SMAD3: variants seen among roughly 807,000 people sequenced by gnomAD.
The protein encoded by SMAD3 is SMAD family member 3.
SMAD3 carries 12 observed loss-of-function variants against 51.8 expected under a neutral mutation model. The ratio of observed to expected loss-of-function variants is 0.23; its 90% CI spans 0.15 to 0.38. The LOEUF (loss-of-function observed/expected upper bound fraction) is 0.38. Ranked by LOEUF, SMAD3 falls within the 10% of genes least tolerant of loss-of-function variation. The pLI, the probability that SMAD3 is intolerant of heterozygous loss-of-function variation, is 1.00. For missense variants in SMAD3, 294 were observed against 565.6 expected (o/e 0.52, Z 4.87); for synonymous variants, 238 against 227.7 (o/e 1.05, Z -0.41).
chr15:67,076,309 A>G (rs1960168260), intron 1 of SMAD3, among the ~76,000 whole-genome samples: 1 of 152,216 alleles, frequency 6.6e-6, no homozygotes, highest in Non-Finnish European at 1.5e-5. Context: ...TAATAGTACT[A>G]AAAACAAACT....
chr15:67,147,154 A>G (rs2140272486), intron 1 of SMAD3, among the ~76,000 whole-genome samples: 1 of 152,234 alleles, frequency 6.6e-6, no homozygotes, highest in Non-Finnish European at 1.5e-5. Context: ...TTCTGAGAGT[A>G]GAGGAGGGAA....
chr15:67,162,946 G>GTGGTGA (rs1378886371), intron 1 of SMAD3, among the ~76,000 whole-genome samples: 10 of 145,348 alleles, frequency 6.9e-5, no homozygotes, highest in African/African-American at 2.1e-4. Context: ...GTAGGTTTCT[G>GTGGTGA]TGATGATGAT....
chr15:67,181,739 C>T (rs1040725856), intron 6 of SMAD3, among the ~76,000 whole-genome samples: 3 of 151,776 alleles, frequency 2.0e-5, no homozygotes, highest in African/African-American at 4.8e-5. Flanking sequence ...AATAGTTCAT[C>T]TAAGGGATCA....
At chr15:67,182,230 A>G (rs1230353191) in intron 6 of SMAD3, among the ~76,000 whole-genome samples, 1 of 152,370 alleles carries the variant, frequency 6.6e-6, no homozygotes, top group Non-Finnish European at 1.5e-5. Flanking sequence ...ATTGTCCACT[A>G]TCCAAACACC....
chr15:67,170,000 G>A (rs757670871), intron 4 of SMAD3, among the ~76,000 whole-genome samples: 11 of 152,172 alleles, frequency 7.2e-5, no homozygotes, highest in Non-Finnish European at 1.3e-4. Flanking sequence ...GGTTTCTGAG[G>A]CAGGTTTGTG....
At chr15:67,189,552 C>T (rs985146609) in intron 8 of SMAD3, among the ~76,000 whole-genome samples, 2 of 152,366 alleles carry the variant, frequency 1.3e-5, no homozygotes, top group Non-Finnish European at 2.9e-5. Context: ...GACGGGCGGG[C>T]GCGGCCCCTT....
At position 67,147,045 on chromosome 15, in the gene SMAD3, C is replaced by G. The variant is rs78458000; in HGVS notation, c.207-17850C>G. 1,426 of 152,338 alleles carry G rather than the reference C, an allele frequency of 9.4e-3. 19 individuals are homozygous for G. Among genetic ancestry groups the G allele is most frequent in the East Asian group, 0.053 (276 of 5,178 alleles). The allele number at this position is 152,338 out of a possible 1,614,324, so 9.4% of individuals were successfully genotyped here. ...ACAGTTCTTTGCTCCTTCCACGGAGCCTGTTTGAGAATTCAGTGATTCACT... is the reference window on the plus strand; with the variant it reads ...ACAGTTCTTTGCTCCTTCCACGGAGGCTGTTTGAGAATTCAGTGATTCACT... On this transcript the variant is annotated intron_variant, in intron 1 of 8. Coordinates refer to ENST00000327367, the MANE Select transcript of SMAD3 (RefSeq NM_005902.4).
intron 5 of SMAD3, among the ~76,000 whole-genome samples, chr15:67,171,681 A>G (rs574141529): frequency 6.6e-6 from 1 of 152,328 alleles, no homozygotes; most frequent in Admixed American, 6.5e-5. Flanking sequence ...TTGGAATATT[A>G]GGAGATGCTT....
intron 1 of SMAD3, among the ~76,000 whole-genome samples, chr15:67,092,465 C>T (rs1960527622): frequency 1.3e-5 from 2 of 152,212 alleles, no homozygotes; most frequent in Non-Finnish European, 2.9e-5. Flanking sequence ...AGGGAACTTA[C>T]TAGGAATGCA....
chr15:67,191,301 G>C lies in SMAD3; in HGVS notation c.*765G>C, dbSNP rs1963359317. ...AGGCCCAGTGCATATGCAATGTATA[G>C]TGTCTATTATCACATTAATCTCAAA... On this transcript the variant is annotated 3_prime_UTR_variant, in exon 9 of 9. Transcript: ENST00000327367. 1 of 233,328 alleles carries C rather than the reference G, an allele frequency of 4.3e-6. No individual in the cohort carries two copies. The highest frequency in any genetic ancestry group is 8.5e-6 in the Non-Finnish European group (1 of 118,092). 14.5% of individuals were successfully genotyped at this position (233,328 alleles called of 1,614,324 possible).
chr15:67,141,132 C>T (rs191035578), intron 1 of SMAD3, among the ~76,000 whole-genome samples: 3 of 152,328 alleles, frequency 2.0e-5, no homozygotes, highest in Admixed American at 2.0e-4. Context: ...CTCCCAATTC[C>T]GGCAACGGGA....
At chr15:67,091,901 A>G (rs1960515575) in intron 1 of SMAD3, among the ~76,000 whole-genome samples, 2 of 152,236 alleles carry the variant, frequency 1.3e-5, no homozygotes, top group African/African-American at 2.4e-5. Flanking sequence ...CTGAGAAGCC[A>G]CAATGGGAAG....
At chr15:67,075,143 A>G (rs994049157) in intron 1 of SMAD3, among the ~76,000 whole-genome samples, 10 of 152,082 alleles carry the variant, frequency 6.6e-5, no homozygotes, top group Admixed American at 2.0e-4. Flanking sequence ...TTAAAAAATC[A>G]CCTCTGGGCT....
intron 1 of SMAD3, among the ~76,000 whole-genome samples, chr15:67,074,680 T>G (rs768057670): frequency 9.2e-5 from 14 of 152,228 alleles, no homozygotes; most frequent in Non-Finnish European, 1.8e-4. Flanking sequence ...TGTTTCTTTA[T>G]CTCTGTCTCT....
chr15:67,133,478 G>A (rs1961580226), intron 1 of SMAD3, among the ~76,000 whole-genome samples: 1 of 151,952 alleles, frequency 6.6e-6, no homozygotes, highest in African/African-American at 2.4e-5. Flanking sequence ...CAATGAGAAG[G>A]CAAACAAAGT....
At chr15:67,171,404 A>C (rs184845488) in intron 5 of SMAD3, among the ~76,000 whole-genome samples, 1 of 152,322 alleles carries the variant, frequency 6.6e-6, no homozygotes, top group Non-Finnish European at 1.5e-5. Context: ...AGCTTGGGAT[A>C]GGCTTTGGCA....
At position 67,190,900 on chromosome 15, in the gene SMAD3, C is replaced by T. The variant is rs2140328706; in HGVS notation, c.*364C>T. The T allele has an allele frequency of 2.6e-6, 1 of 383,080 alleles. No homozygotes were observed. Among genetic ancestry groups the T allele is most frequent in the East Asian group, 4.2e-5 (1 of 24,012 alleles). The allele number at this position is 383,080 out of a possible 1,614,324, so 23.7% of individuals were successfully genotyped here. ...TCACAGTCCAACCAGAAACACCCCT[C>T]TGTCTAGGACTGCAGTGTGGAGTTC... On this transcript the variant is annotated 3_prime_UTR_variant, in exon 9 of 9. Transcript: ENST00000327367.
At chr15:67,164,743 G>C in intron 1 of SMAD3, 152 bp from the exon 2 acceptor site, 1 of 841,330 alleles carries the variant, frequency 1.2e-6, no homozygotes, top group South Asian at 1.4e-5. Context: ...AGCACTCTCA[G>C]CTAGCAGTGC....
chr15:67,142,788 G>C (rs1308463948), intron 1 of SMAD3: 2 of 437,434 alleles, frequency 4.6e-6, no homozygotes, highest in Admixed American at 5.1e-5. Context: ...AAGAGCTTGT[G>C]AAATAGGCTT....
Sources: gnomAD v4.1 joint callset for allele counts (sites outside exome capture counted in the v4.1 genomes callset) on GRCh38, gnomAD v4.1.1 for gene constraint, MANE v1.5 for transcripts, NCBI Gene and HGNC (gene_info 2026-07-23, HGNC 2026-07-21) for gene names.